ZNF469: variants seen among roughly 807,000 people sequenced by gnomAD.
ZNF469 encodes zinc finger protein 469.
Under a neutral mutation model 1.0 loss-of-function variants are expected in ZNF469, and 1 was observed. The observed-to-expected ratio is 1.00, with a 90% confidence interval of 0.35 to 4.73. The LOEUF is 4.73. Among genes scored for constraint, ZNF469 ranks in the 30% most tolerant of loss-of-function variants. ZNF469 has a pLI of 0.16. For synonymous variants in ZNF469, 2,703 were observed against 2,363.4 expected (o/e 1.14, Z -4.17); for missense variants, 6,100 against 5,356.3 (o/e 1.14, Z -4.33).
chr16:88,144,847 C>T, the ZNF469 span, among the ~76,000 whole-genome samples: 1 of 149,558 alleles, frequency 6.7e-6, no homozygotes, highest in East Asian at 2.0e-4. Context: ...TTTTTGCCCC[C>T]CTTTTTTTTT....
the ZNF469 span, among the ~76,000 whole-genome samples, chr16:88,345,986 C>T: frequency 5.3e-5 from 8 of 152,194 alleles, no homozygotes; most frequent in African/African-American, 1.9e-4. Flanking sequence ...CCATCTGTTC[C>T]CATTATTCTT....
At chr16:88,396,875 C>G (rs1255726482) in intron 1 of ZNF469, among the ~76,000 whole-genome samples, 2 of 148,820 alleles carry the variant, frequency 1.3e-5, no homozygotes, top group Non-Finnish European at 3.0e-5. Flanking sequence ...GGAGGACACC[C>G]TCCTGAAGGG....
At position 88,432,615 on chromosome 16, in the gene ZNF469, G is replaced by A. The variant is rs577775261; in HGVS notation, c.5145G>A (p.Arg1715=). The change falls in exon 3 of 3, where the codon AGG becomes AGA. Residue 1715 remains arginine, a synonymous_variant. Transcript: ENST00000565624. ...TTTGCCAGGCAGAAGGAGACAGCAG[G>A]CCCCCCCAAGATGTCTGCCTGCCTG... The part of the protein sequence containing the change: ...TGLCQAEGDS[R]PPQDVCLPEP... 135 of 1,550,326 alleles carry A rather than the reference G, an allele frequency of 8.7e-5. No individual in the cohort carries two copies. The highest frequency in any genetic ancestry group is 1.0e-4 in the Non-Finnish European group (115 of 1,146,962).
At chr16:88,264,170 G>T in the ZNF469 span, among the ~76,000 whole-genome samples, 1 of 152,098 alleles carries the variant, frequency 6.6e-6, no homozygotes, top group Non-Finnish European at 1.5e-5. Context: ...CTGCCCACAA[G>T]GTCACTCTGC....
the ZNF469 span, among the ~76,000 whole-genome samples, chr16:88,127,025 G>A: frequency 6.6e-6 from 1 of 152,202 alleles, no homozygotes; most frequent in African/African-American, 2.4e-5. Context: ...CATTCACCAT[G>A]TTGGCCAGGC....
chr16:88,195,851 G>A, the ZNF469 span, among the ~76,000 whole-genome samples: 1 of 152,190 alleles, frequency 6.6e-6, no homozygotes, highest in African/African-American at 2.4e-5. Context: ...CATGTCAACT[G>A]GTCAGGACAG....
the ZNF469 span, among the ~76,000 whole-genome samples, chr16:88,301,888 G>A: frequency 6.6e-6 from 1 of 152,214 alleles, no homozygotes; most frequent in African/African-American, 2.4e-5. Flanking sequence ...CTATCAGGGT[G>A]ACAGTCCTGA....
the ZNF469 span, among the ~76,000 whole-genome samples, chr16:88,289,134 G>A: frequency 1.3e-5 from 2 of 151,908 alleles, no homozygotes; most frequent in Non-Finnish European, 2.9e-5. Context: ...TGATGACGGT[G>A]GTGTTGAGGA....
chr16:88,424,010 G>A lies in ZNF469; in HGVS notation c.-191-797G>A, dbSNP rs11076731. Among the ~76,000 whole-genome samples, 126,801 of 152,268 alleles carry A rather than the reference G, an allele frequency of 0.83. 54,549 individuals carry two copies. Among genetic ancestry groups the A allele is most frequent in the South Asian group, 0.96 (4,657 of 4,826 alleles). The stretch of plus-strand genomic sequence containing the variant: ...GGCCATATTTTAAAACCATCACGGA[G>A]ACTGACAATTGGACAATCTCCTTCC... On this transcript the variant is annotated intron_variant, in intron 1 of 2. Coordinates refer to ENST00000565624, the MANE Select transcript of ZNF469 (RefSeq NM_001367624.2). This position sits in a 1 kb window ranked among gnomAD's most constrained non-coding sequence, Gnocchi z 4.3.
At chr16:88,108,544 T>A in the ZNF469 span, among the ~76,000 whole-genome samples, 1 of 152,314 alleles carries the variant, frequency 6.6e-6, no homozygotes, top group African/African-American at 2.4e-5. Flanking sequence ...GGTGAGGATC[T>A]TTGGGGGTTG....
the ZNF469 span, among the ~76,000 whole-genome samples, chr16:88,152,658 C>G: frequency 8.6e-5 from 13 of 152,016 alleles, no homozygotes; most frequent in Non-Finnish European, 1.9e-4. This position sits in a 1 kb window ranked among gnomAD's most constrained non-coding sequence, Gnocchi z 4.2. Context: ...TTGCCCCTAC[C>G]TGGGCCTCTG....
the ZNF469 span, among the ~76,000 whole-genome samples, chr16:88,182,963 C>G: frequency 6.6e-6 from 1 of 152,206 alleles, no homozygotes; most frequent in Non-Finnish European, 1.5e-5. Context: ...AAACCACAGA[C>G]TAGAAGAAAT....
At chr16:88,110,283 G>C in the ZNF469 span, among the ~76,000 whole-genome samples, 1 of 152,220 alleles carries the variant, frequency 6.6e-6, no homozygotes, top group Non-Finnish European at 1.5e-5. Context: ...AGGAGGCTGG[G>C]GCGGGCCCTG....
chr16:88,116,243 C>T, the ZNF469 span, among the ~76,000 whole-genome samples: 3 of 152,134 alleles, frequency 2.0e-5, no homozygotes, highest in Non-Finnish European at 2.9e-5. Flanking sequence ...CAGCAGCTGT[C>T]GGGAAACGCA....
chr16:88,387,143 G>A (rs546218810), intron 1 of ZNF469, among the ~76,000 whole-genome samples: 1 of 152,178 alleles, frequency 6.6e-6, no homozygotes, highest in Non-Finnish European at 1.5e-5. Context: ...CCAGAGACCC[G>A]CGGCAGCCCT....
chr16:88,431,960 C>T lies in ZNF469; in HGVS notation c.4490C>T (p.Pro1497Leu), dbSNP rs1043917881. 7 of 1,549,568 alleles carry T rather than the reference C, an allele frequency of 4.5e-6. No individual in the cohort carries two copies. Among genetic ancestry groups the T allele is most frequent in the Middle Eastern group, 3.3e-4 (2 of 5,992 alleles). Residue 1497 changes from proline (P) to leucine (L), a missense_variant, in exon 3 of 3, where the codon CCG becomes CTG. Transcript: ENST00000565624. The stretch of plus-strand genomic sequence containing the variant: ...CAGAAGACGGTGCCGTCAGATCCAC[C>T]GTACCCCTCTTTTTTGCTGCTTGAG... Reference protein sequence around the residue: ...PPQKTVPSDPPYPSFLLLEEV... With the variant: ...PPQKTVPSDPLYPSFLLLEEV...
At chr16:88,279,341 G>A in the ZNF469 span, among the ~76,000 whole-genome samples, 1 of 151,274 alleles carries the variant, frequency 6.6e-6, no homozygotes, top group South Asian at 2.1e-4. Flanking sequence ...AGATATCAGT[G>A]CACGGTTAGT....
At chr16:88,232,276 C>T in the ZNF469 span, among the ~76,000 whole-genome samples, 2 of 152,228 alleles carry the variant, frequency 1.3e-5, no homozygotes, top group African/African-American at 4.8e-5. Flanking sequence ...AGCCATCGGG[C>T]TGTTTCAGTG....
chr16:88,431,952 A>T lies in ZNF469; in HGVS notation c.4482A>T (p.Ser1494=). 1 of 1,549,450 alleles carries T rather than the reference A, an allele frequency of 6.5e-7. No individual in the cohort carries two copies. The change falls in exon 3 of 3, where the codon TCA becomes TCT. Residue 1494 remains serine, a synonymous_variant. Transcript: ENST00000565624. Reference sequence around the variant, plus strand: ...ACCCTCCCCAGAAGACGGTGCCGTCAGATCCACCGTACCCCTCTTTTTTGC... The same window carrying T: ...ACCCTCCCCAGAAGACGGTGCCGTCTGATCCACCGTACCCCTCTTTTTTGC... ...CADPPQKTVP[S]DPPYPSFLLL...
Sources: allele counts gnomAD v4.1 joint callset (sites outside exome capture counted in the v4.1 genomes callset), GRCh38; gene constraint gnomAD v4.1.1; non-coding constraint Gnocchi (gnomAD v3.1); transcripts MANE v1.5; gene names NCBI Gene and HGNC (gene_info 2026-07-23, HGNC 2026-07-21).